The following MTFR2 variants were observed in gnomAD, a reference collection of about 807,000 sequenced individuals.
The protein encoded by MTFR2 is mitochondrial fission regulator 2.
In MTFR2, 44 loss-of-function variants were observed where a neutral mutation model predicts 41.2. The ratio of observed to expected loss-of-function variants is 1.07; its 90% CI spans 0.84 to 1.37. The LOEUF is 1.37. Ranked by LOEUF, MTFR2 falls within the 40% of genes most tolerant of loss-of-function variation. The pLI is 0.00. For missense variants in MTFR2, 452 were observed against 459.5 expected, an observed-to-expected ratio of 0.98 and a Z score of 0.15; for synonymous variants, 141 against 154.6, an observed-to-expected ratio of 0.91 and a Z score of 0.65.
In MTFR2 at chr6:136,231,319, C is replaced by A. The variant is rs752958388; in HGVS notation, c.1114G>T (p.Asp372Tyr). The change falls in exon 8 of 8, where the codon GAC becomes TAC. Residue 372 changes from aspartate to tyrosine, a missense_variant. Asp to Tyr is a radical substitution (Grantham distance 160). Coordinates refer to ENST00000420702, the MANE Select transcript of MTFR2 (RefSeq NM_001099286.3). ...AGGCTTGTGTTGCTGATACCTTGGT[C>A]AACAGCTTTTGTGTTGACCATTTCT... ...KEEMVNTKAV[D>Y]QGISNTSLLN... 4 of 1,612,712 alleles carry A rather than the reference C, an allele frequency of 2.5e-6. No homozygotes were observed. The highest frequency in any genetic ancestry group is 3.4e-6 in the Non-Finnish European group (4 of 1,179,626).
chr6:136,246,826 T>C (rs1780223947), intron 2 of MTFR2, among the ~76,000 whole-genome samples: 1 of 152,150 alleles, frequency 6.6e-6, no homozygotes, highest in Non-Finnish European at 1.5e-5. Flanking sequence ...TTAGAAAAAC[T>C]ACAATTCCAT....
At chr6:136,242,756 T>C in intron 4 of MTFR2, 105 bp downstream of exon 4, 1 of 789,598 alleles carries the variant, frequency 1.3e-6, no homozygotes, top group South Asian at 1.8e-5. Flanking sequence ...CACAGCACAG[T>C]TTGAAGATAA....
Position 136,239,802 on chromosome 6 carries a change from T to G in MTFR2, c.533A>C (p.Asp178Ala), listed in dbSNP as rs748925050. The stretch of plus-strand genomic sequence containing the variant: ...CAGCTGACCCAAACTAATGCGCTCG[T>G]CACTCAAGCCAAAGGAACCTACAAA... Reference protein sequence around the residue: ...STNSSSFGLSDERISLGQLSS... With the variant: ...STNSSSFGLSAERISLGQLSS... The change falls in exon 6 of 8, where the codon GAC becomes GCC. Residue 178 changes from aspartate (D) to alanine (A), a missense_variant. Physicochemically the swap from Asp to Ala is moderately radical, Grantham distance 126 (BLOSUM62 -2). Transcript: ENST00000420702. 5.6e-6 allele frequency: 9 copies of G among 1,608,412 alleles called. No homozygotes were observed. Among genetic ancestry groups the G allele is most frequent in the Non-Finnish European group, 7.7e-6 (9 of 1,176,322 alleles).
chr6:136,247,478 T>A, intron 2 of MTFR2: 2 of 456,056 alleles, frequency 4.4e-6, no homozygotes, highest in Non-Finnish European at 8.8e-6. Flanking sequence ...AAGGCGGTGC[T>A]CAATCCTCTC....
intron 6 of MTFR2, among the ~76,000 whole-genome samples, chr6:136,237,123 C>T (rs1029379251): frequency 3.9e-5 from 6 of 152,188 alleles, no homozygotes; most frequent in Non-Finnish European, 5.9e-5. Context: ...TCCCTCCTGA[C>T]CACAAGGGAG....
intron 6 of MTFR2, among the ~76,000 whole-genome samples, chr6:136,234,397 A>G (rs557804709): frequency 5.9e-5 from 9 of 152,216 alleles, no homozygotes. Flanking sequence ...GATCAGAAAA[A>G]AAGCCTCTTT....
chr6:136,233,538 G>A (rs1228378093), intron 6 of MTFR2, 39 bp from the exon 7 acceptor site: 13 of 1,422,238 alleles, frequency 9.1e-6, no homozygotes, highest in Non-Finnish European at 1.2e-5. Flanking sequence ...ATTAAAACTT[G>A]GATGTAATTT....
chr6:136,246,698 T>C (rs1402038647), intron 2 of MTFR2, among the ~76,000 whole-genome samples: 1 of 152,202 alleles, frequency 6.6e-6, no homozygotes, highest in Non-Finnish European at 1.5e-5. Flanking sequence ...TTCAGTAATA[T>C]GTTCAATGCC....
At chr6:136,248,407 T>C (rs1009558411) in intron 2 of MTFR2, among the ~76,000 whole-genome samples, 5 of 152,220 alleles carry the variant, frequency 3.3e-5, no homozygotes, top group Admixed American at 6.5e-5. Context: ...TCTCCCATAC[T>C]ATGCTCGTGG....
intron 6 of MTFR2, among the ~76,000 whole-genome samples, chr6:136,234,227 G>A (rs966372586): frequency 4.7e-5 from 7 of 148,928 alleles, no homozygotes; most frequent in South Asian, 4.2e-4. Flanking sequence ...AGGATCACTT[G>A]AGCCAAGGAG....
intron 2 of MTFR2, chr6:136,247,653 G>A: frequency 2.4e-6 from 1 of 421,276 alleles, no homozygotes; most frequent in Admixed American, 2.8e-5. Context: ...TCAAAAGAAG[G>A]TTGCTGATCC....
At chr6:136,238,235 C>T (rs78833069) in intron 6 of MTFR2, among the ~76,000 whole-genome samples, 3,602 of 152,268 alleles carry the variant, frequency 0.024, 56 homozygotes, top group Non-Finnish European at 0.036. Flanking sequence ...TATATACATA[C>T]AATATACAGC....
intron 2 of MTFR2, chr6:136,247,384 C>A: frequency 2.6e-6 from 1 of 386,290 alleles, no homozygotes; most frequent in Non-Finnish European, 5.0e-6. Context: ...CTCTCTCTCA[C>A]TTTCATTCTG....
intron 6 of MTFR2, among the ~76,000 whole-genome samples, chr6:136,235,833 G>A (rs779356454): frequency 4.6e-5 from 7 of 152,176 alleles, no homozygotes; most frequent in Non-Finnish European, 1.0e-4. Context: ...TCGGGAGGCC[G>A]AGGCAGGAGA....
intron 4 of MTFR2, among the ~76,000 whole-genome samples, chr6:136,241,948 C>T (rs1017647250): frequency 1.8e-4 from 27 of 151,602 alleles, no homozygotes; most frequent in African/African-American, 6.1e-4. Context: ...GGTGTGATGA[C>T]GTGCCCCTGT....
chr6:136,239,704 G>T lies in MTFR2; in HGVS notation c.631C>A (p.Pro211Thr). The change falls in exon 6 of 8, where the codon CCT becomes ACT. Residue 211 changes from proline to threonine, a missense_variant. Physicochemically the swap from Pro to Thr is conservative, Grantham distance 38. Coordinates refer to ENST00000420702, the MANE Select transcript of MTFR2 (RefSeq NM_001099286.3). Reference sequence around the variant, plus strand: ...GAAAACTGAGGAGGAAGTGGTGGAGGAGGAGGAGGAGAAAGCACTGAACCT... The same window carrying T: ...GAAAACTGAGGAGGAAGTGGTGGAGTAGGAGGAGGAGAAAGCACTGAACCT... Reference protein sequence around the residue: ...LPGSVLSPPPPPPLPPQFSSL... With the variant: ...LPGSVLSPPPTPPLPPQFSSL... The T allele has an allele frequency of 6.2e-7, 1 of 1,614,018 alleles. No individual in the cohort carries two copies. Among genetic ancestry groups the T allele is most frequent in the Non-Finnish European group, 8.5e-7 (1 of 1,180,004 alleles).
chr6:136,244,660 G>T, intron 3 of MTFR2, 105 bp downstream of exon 3: 1 of 754,284 alleles, frequency 1.3e-6, no homozygotes, highest in Non-Finnish European at 2.2e-6. Flanking sequence ...CAGGTTTTTG[G>T]CTTGCAGGAA....
chr6:136,238,025 T>C (rs1444486466), intron 6 of MTFR2, among the ~76,000 whole-genome samples: 1 of 152,012 alleles, frequency 6.6e-6, no homozygotes, highest in African/African-American at 2.4e-5. Flanking sequence ...AAGAACTAAA[T>C]GGAGGGTCAT....
At chr6:136,248,640 T>A (rs1780282484) in intron 2 of MTFR2, 1 of 212,656 alleles carries the variant, frequency 4.7e-6, no homozygotes, top group African/African-American at 2.4e-5. Context: ...GAGAACAGAC[T>A]AATACAGCTT....
Sources: allele counts gnomAD v4.1 joint callset (sites outside exome capture counted in the v4.1 genomes callset), GRCh38; gene constraint gnomAD v4.1.1; transcripts MANE v1.5; gene names NCBI Gene and HGNC (gene_info 2026-07-23, HGNC 2026-07-21).